GTPBP1: variants seen among roughly 807,000 people sequenced by gnomAD.
The protein encoded by GTPBP1 is GTP-binding protein 1.
A neutral mutation model predicts 62.0 loss-of-function variants in GTPBP1; 23 were observed. The ratio of observed to expected loss-of-function variants is 0.37; its 90% CI spans 0.27 to 0.53. GTPBP1 has a LOEUF of 0.53. Among genes scored for constraint, GTPBP1 ranks in the 20% least tolerant of loss-of-function variants. The probability of loss-of-function intolerance (pLI) is 0.89; values close to 1 mark genes in which losing one functional copy is unlikely to be tolerated. For synonymous variants in GTPBP1, 344 were observed against 364.4 expected (o/e 0.94, Z 0.64); for missense variants, 640 against 917.3 (o/e 0.70, Z 3.90).
downstream of GTPBP1, chr22:38,740,574 G>A: frequency 5.6e-6 from 5 of 885,644 alleles, no homozygotes; most frequent in South Asian, 1.1e-4. This position sits in a 1 kb window ranked among gnomAD's most constrained non-coding sequence, Gnocchi z 4.8. Flanking sequence ...GAAGGGGCAA[G>A]GCCTCTCCTG....
rs778988147 is a variant in GTPBP1, at chr22:38,718,628, G to T, written c.834+1628G>T. 1.3e-5 allele frequency among the ~76,000 whole-genome samples: 2 copies of T among 152,204 alleles called. 1 individual carries two copies. Among genetic ancestry groups the T allele is most frequent in the Non-Finnish European group, 2.9e-5 (2 of 68,040 alleles). On this transcript the variant is annotated intron_variant, in intron 4 of 11. Coordinates refer to ENST00000216044, the MANE Select transcript of GTPBP1 (RefSeq NM_004286.5). The stretch of plus-strand genomic sequence containing the variant: ...GTGGAGGGAGAGGGAAGTGCCAGCT[G>T]GGGTGACTCATCTAGGAGCCATGGA...
At chr22:38,706,475 C>T (rs1569273028) in intron 1 of GTPBP1, 2 of 212,862 alleles carry the variant, frequency 9.4e-6, no homozygotes, top group Non-Finnish European at 1.9e-5. Context: ...CGTTCCCTGT[C>T]CCCGCTCAGT....
Position 38,716,570 on chromosome 22 carries a change from C to A in GTPBP1, c.486-82C>A. ...TCGGGGCAAGCCTGGACTTGCGGATCCAATTACTGGGGTTATGATGGTCGC... is the reference window on the plus strand; with the variant it reads ...TCGGGGCAAGCCTGGACTTGCGGATACAATTACTGGGGTTATGATGGTCGC... On this transcript the variant is annotated intron_variant, in intron 3 of 11. Transcript: ENST00000216044. This position sits in a 1 kb window ranked among gnomAD's most constrained non-coding sequence, Gnocchi z 5.2. The A allele has an allele frequency of 9.8e-7, 1 of 1,022,044 alleles. No individual in the cohort carries two copies. The highest frequency in any genetic ancestry group is 1.5e-6 in the Non-Finnish European group (1 of 680,880). The allele number at this position is 1,022,044 out of a possible 1,614,324, so 63.3% of individuals were successfully genotyped here.
At chr22:38,741,029 G>GGA, downstream of GTPBP1, 1 of 1,598,458 alleles carries the variant, frequency 6.3e-7, no homozygotes. Flanking sequence ...GACTTCAGCT[G>GGA]CTGGATGCGA....
intron 11 of GTPBP1, among the ~76,000 whole-genome samples, chr22:38,729,885 C>T (rs140919759): frequency 6.6e-6 from 1 of 152,290 alleles, no homozygotes; most frequent in Non-Finnish European, 1.5e-5. Flanking sequence ...GTTTAATTGG[C>T]CCTAACTAGC....
Position 38,714,213 on chromosome 22 carries a change from C to T in GTPBP1, c.305-1694C>T, listed in dbSNP as rs5757256. ...CTGGTGGGCCAGGCATGATGGCTGACGCCTGTAATCCCAGCACTTTGGTGG... is the reference window on the plus strand; with the variant it reads ...CTGGTGGGCCAGGCATGATGGCTGATGCCTGTAATCCCAGCACTTTGGTGG... On this transcript the variant is annotated intron_variant, in intron 2 of 11. Coordinates refer to ENST00000216044, the MANE Select transcript of GTPBP1 (RefSeq NM_004286.5). 1.6e-3 allele frequency among the ~76,000 whole-genome samples: 237 copies of T among 152,100 alleles called. 3 individuals are homozygous for T. In the East Asian group the frequency reaches 0.037, roughly 23 times the overall value.
chr22:38,711,265 A>T (rs1386341368), intron 2 of GTPBP1, among the ~76,000 whole-genome samples: 1 of 152,216 alleles, frequency 6.6e-6, no homozygotes, highest in Non-Finnish European at 1.5e-5. Context: ...ACAAATGTAG[A>T]GGAATGTGCT....
intron 5 of GTPBP1, chr22:38,723,051 A>T: frequency 1.3e-6 from 1 of 784,838 alleles, no homozygotes; most frequent in South Asian, 1.4e-5. Flanking sequence ...ATGTGGTCCA[A>T]ACCACCATTA....
At chr22:38,715,424 C>T (rs1260696448) in intron 2 of GTPBP1, among the ~76,000 whole-genome samples, 2 of 152,220 alleles carry the variant, frequency 1.3e-5, no homozygotes, top group Non-Finnish European at 2.9e-5. Flanking sequence ...GCTAGGATGT[C>T]CTTCCTCCTT....
At chr22:38,739,283 A>G, downstream of GTPBP1, 1 of 1,566,328 alleles carries the variant, frequency 6.4e-7, no homozygotes, top group South Asian at 1.1e-5. The surrounding 1 kb of genome is among the most constrained non-coding windows in gnomAD (Gnocchi z 6.7). Context: ...GGTAGATGCC[A>G]GGGGACCGGC....
chr22:38,709,337 G>A (rs1001253275), intron 2 of GTPBP1, among the ~76,000 whole-genome samples: 1 of 151,640 alleles, frequency 6.6e-6, no homozygotes, highest in Non-Finnish European at 1.5e-5. Context: ...CCCGCTTTTT[G>A]AACTTTTCTG....
At chr22:38,738,640 C>T (rs1021027363), downstream of GTPBP1, 2 of 1,614,010 alleles carry the variant, frequency 1.2e-6, no homozygotes, top group South Asian at 1.1e-5. The surrounding 1 kb of genome is among the most constrained non-coding windows in gnomAD (Gnocchi z 6.6). Flanking sequence ...GGTGACAAGG[C>T]CTTGGGCACA....
rs2092716013 is a variant in GTPBP1 at position 38,724,301 on chromosome 22, C to G, written c.963C>G (p.Thr321=). ...TGTTCCATTGCACCCTTTAAGAAAC[C>G]CTGAAGCTGTTACAGCGCCTGCTGA... ...DMCPANILQE[T]LKLLQRLLKS... Residue 321 remains threonine, a synonymous_variant, in exon 6 of 12, where the codon ACC becomes ACG. Coordinates refer to ENST00000216044, the MANE Select transcript of GTPBP1 (RefSeq NM_004286.5). 1.9e-6 allele frequency: 3 copies of G among 1,603,026 alleles called. No homozygotes were observed. The highest frequency in any genetic ancestry group is 4.5e-5 in the East Asian group (2 of 44,828).
At chr22:38,714,181 A>G (rs2092655829) in intron 2 of GTPBP1, among the ~76,000 whole-genome samples, 1 of 152,202 alleles carries the variant, frequency 6.6e-6, no homozygotes, top group Non-Finnish European at 1.5e-5. Context: ...GAGAGTTTAG[A>G]AGGCCACTGG....
In GTPBP1 at chr22:38,727,103, G is replaced by C. The variant is rs1182777485; in HGVS notation, c.1402-110G>C. The C allele has an allele frequency of 1.9e-6, 2 of 1,074,228 alleles. No individual in the cohort carries two copies. The highest frequency in any genetic ancestry group is 2.6e-6 in the Non-Finnish European group (2 of 766,148). 66.5% of individuals were successfully genotyped at this position (1,074,228 alleles called of 1,614,324 possible). ...GTGGTCCAGTTGGTGAGGAAACCAG[G>C]CAGAGTTGGGGTGGTCCCTATCCCT... On this transcript the variant is annotated intron_variant, in intron 8 of 11. Coordinates refer to ENST00000216044, the MANE Select transcript of GTPBP1 (RefSeq NM_004286.5). The surrounding 1 kb of genome is among the most constrained non-coding windows in gnomAD (Gnocchi z 6.5).
chr22:38,722,245 A>C (rs1238675028), intron 5 of GTPBP1, among the ~76,000 whole-genome samples: 2 of 152,250 alleles, frequency 1.3e-5, no homozygotes, highest in Admixed American at 1.3e-4. Flanking sequence ...ACTTTTTAAA[A>C]TAATATTCAC....
intron 2 of GTPBP1, among the ~76,000 whole-genome samples, chr22:38,710,931 G>A (rs538217885): frequency 3.9e-5 from 6 of 152,124 alleles, no homozygotes; most frequent in Admixed American, 1.3e-4. Flanking sequence ...ATGGCAAAGC[G>A]TAAGATGTCA....
intron 4 of GTPBP1, among the ~76,000 whole-genome samples, chr22:38,718,493 G>A (rs1391394262): frequency 1.3e-5 from 2 of 152,144 alleles, no homozygotes; most frequent in South Asian, 2.1e-4. Flanking sequence ...GAAAACAGCC[G>A]TAGAGCACTC....
intron 4 of GTPBP1, among the ~76,000 whole-genome samples, chr22:38,720,294 A>G (rs1208820279): frequency 6.6e-6 from 1 of 151,650 alleles, no homozygotes; most frequent in Non-Finnish European, 1.5e-5. Flanking sequence ...ATCTTGGCTC[A>G]CTGCAACCTC....
Sources: gnomAD v4.1 joint callset for allele counts (sites outside exome capture counted in the v4.1 genomes callset) on GRCh38, gnomAD v4.1.1 for gene constraint, Gnocchi (gnomAD v3.1) non-coding constraint, MANE v1.5 for transcripts, NCBI Gene and HGNC (gene_info 2026-07-23, HGNC 2026-07-21) for gene names.